HMGN3: variants seen among roughly 807,000 people sequenced by gnomAD.
HMGN3 encodes high mobility group nucleosomal binding domain 3, also known as high mobility group nucleosome-binding domain-containing protein 3.
Under a neutral mutation model 18.8 loss-of-function variants are expected in HMGN3, and 6 were observed. The ratio of observed to expected loss-of-function variants is 0.32; its 90% CI spans 0.18 to 0.63. HMGN3 has a LOEUF of 0.63. Among genes scored for constraint, HMGN3 ranks in the 30% least tolerant of loss-of-function variants. HMGN3 has a pLI of 0.79. For synonymous variants in HMGN3, 40 were observed against 36.5 expected (o/e 1.10, Z -0.35); for missense variants, 107 against 114.2 (o/e 0.94, Z 0.29).
chr6:79,233,827 G>C (rs2127846189), intron 1 of HMGN3: 1 of 152,542 alleles, frequency 6.6e-6, no homozygotes, highest in East Asian at 1.9e-4. Flanking sequence ...TCGCTGGGGA[G>C]GACCTGGTGG....
chr6:79,202,281 C>T (rs1297033195), exon 5 of HMGN3: 1 of 1,613,904 alleles, frequency 6.2e-7, no homozygotes, highest in Non-Finnish European at 8.5e-7. Context: ...AGTACCTCTT[C>T]AGCTTTAGTT....
At chr6:79,205,952 A>G (rs1217359306) in intron 3 of HMGN3, among the ~76,000 whole-genome samples, 1 of 152,214 alleles carries the variant, frequency 6.6e-6, no homozygotes, top group Non-Finnish European at 1.5e-5. Context: ...ACGTTTTAGC[A>G]AAGAGACTGG....
chr6:79,234,641 G>C, exon 1 of HMGN3: 2 of 1,381,148 alleles, frequency 1.4e-6, no homozygotes, highest in South Asian at 2.4e-5. Context: ...CTCTGCCTCT[G>C]CAGCTGCTCA....
At chr6:79,208,913 C>A (rs891916911) in intron 2 of HMGN3, among the ~76,000 whole-genome samples, 14 of 152,150 alleles carry the variant, frequency 9.2e-5, no homozygotes, top group African/African-American at 3.1e-4. Context: ...ACAGCAAGAA[C>A]ATTGAGGTGC....
At chr6:79,224,725 C>T (rs751223413) in intron 1 of HMGN3, among the ~76,000 whole-genome samples, 11 of 152,160 alleles carry the variant, frequency 7.2e-5, no homozygotes, top group African/African-American at 1.2e-4. Flanking sequence ...GCTTCCAAGA[C>T]GTCAAGTGAC....
intron 1 of HMGN3, among the ~76,000 whole-genome samples, chr6:79,221,414 C>T (rs533251979): frequency 6.6e-6 from 1 of 152,306 alleles, no homozygotes; most frequent in East Asian, 1.9e-4. Context: ...ATGTGCAGAA[C>T]ACTCAAATGT....
At chr6:79,224,063 GA>G (rs1777440827) in intron 1 of HMGN3, among the ~76,000 whole-genome samples, 1 of 152,214 alleles carries the variant, frequency 6.6e-6, no homozygotes, top group Middle Eastern at 3.2e-3. Context: ...GGCAATGATT[GA>G]AATGATTTAA....
At chr6:79,223,771 C>T (rs1388854963) in intron 1 of HMGN3, among the ~76,000 whole-genome samples, 1 of 147,654 alleles carries the variant, frequency 6.8e-6, no homozygotes, top group Non-Finnish European at 1.5e-5. Flanking sequence ...TGGTTTTGTA[C>T]AAACATGGCC....
intron 1 of HMGN3, among the ~76,000 whole-genome samples, chr6:79,227,424 C>T (rs138259597): frequency 7.4e-4 from 112 of 152,252 alleles, no homozygotes; most frequent in Admixed American, 6.9e-3. Flanking sequence ...CTACTCACTG[C>T]GTGCACCATT....
At chr6:79,232,601 G>A (rs1486210566) in intron 1 of HMGN3, among the ~76,000 whole-genome samples, 2 of 143,876 alleles carry the variant, frequency 1.4e-5, no homozygotes, top group Non-Finnish European at 3.1e-5. Context: ...TGTTATTTTA[G>A]TTTTTTTTTT....
At chr6:79,216,859 T>C (rs1777012753) in intron 1 of HMGN3, among the ~76,000 whole-genome samples, 1 of 152,200 alleles carries the variant, frequency 6.6e-6, no homozygotes, top group African/African-American at 2.4e-5. Flanking sequence ...AGTGCTGGGC[T>C]TTCATTCAGA....
intron 2 of HMGN3, 150 bp downstream of exon 2, chr6:79,214,822 C>A: frequency 1.7e-6 from 1 of 588,726 alleles, no homozygotes; most frequent in Non-Finnish European, 3.0e-6. Flanking sequence ...AGACACTTAT[C>A]GCTCTTTCAG....
intron 2 of HMGN3, 99 bp downstream of exon 2, chr6:79,214,873 C>T: frequency 1.1e-5 from 8 of 723,596 alleles, no homozygotes; most frequent in Non-Finnish European, 1.9e-5. Flanking sequence ...AAACTTTGTT[C>T]ATACAATTGT....
intron 3 of HMGN3, among the ~76,000 whole-genome samples, chr6:79,206,324 G>C (rs1192438772): frequency 6.6e-6 from 1 of 152,082 alleles, no homozygotes; most frequent in Admixed American, 6.5e-5. Flanking sequence ...AGTTTAGGAG[G>C]AAAAAATGGC....
intron 1 of HMGN3, among the ~76,000 whole-genome samples, chr6:79,232,289 T>C (rs893078650): frequency 3.9e-4 from 59 of 152,310 alleles, no homozygotes; most frequent in African/African-American, 1.4e-3. Flanking sequence ...TCCAGTGAAC[T>C]TCAGGATTCC....
rs117445085 is a variant in HMGN3, at chr6:79,227,816, C to T, written c.15+6730G>A. Among the ~76,000 whole-genome samples, 31 of 152,224 alleles carry T rather than the reference C, an allele frequency of 2.0e-4. No individual in the cohort carries two copies. In the East Asian group the frequency reaches 5.8e-3, roughly 28 times the overall value. The stretch of plus-strand genomic sequence containing the variant: ...TATGAAATGATTAAACTTATTACTC[C>T]CTTCCTTTGAAAACAATTTATTCAT... On this transcript the variant is annotated intron_variant, in intron 1 of 5. Transcript: ENST00000344726.
intron 1 of HMGN3, among the ~76,000 whole-genome samples, chr6:79,216,588 G>T (rs1292240235): frequency 6.6e-6 from 1 of 151,806 alleles, no homozygotes; most frequent in Non-Finnish European, 1.5e-5. Context: ...TTTCTCTCTT[G>T]TTTCCAAATT....
chr6:79,201,737 G>T lies in HMGN3; in HGVS notation c.262-11C>A, dbSNP rs1461233828. 2.5e-6 allele frequency: 4 copies of T among 1,588,858 alleles called. No homozygotes were observed. The highest frequency in any genetic ancestry group is 3.4e-6 in the Non-Finnish European group (4 of 1,169,160). ...TTCAGTTTTCTGTGCCTGTGAAAAA[G>T]AAAGGAAAAAAAAACATATAGTTAC... On this transcript the variant is annotated splice_polypyrimidine_tract_variant and intron_variant, in intron 5 of 5. Transcript: ENST00000344726.
At chr6:79,207,713 A>G (rs1203625626) in intron 3 of HMGN3, among the ~76,000 whole-genome samples, 1 of 152,156 alleles carries the variant, frequency 6.6e-6, no homozygotes, top group Non-Finnish European at 1.5e-5. Context: ...GATTCCTTAT[A>G]TTGTATCAGG....
Sources: gnomAD v4.1 joint callset for allele counts (sites outside exome capture counted in the v4.1 genomes callset) on GRCh38, gnomAD v4.1.1 for gene constraint, MANE v1.5 for transcripts, NCBI Gene and HGNC (gene_info 2026-07-23, HGNC 2026-07-21) for gene names.